The following SUGCT variants were observed in gnomAD, a reference collection of about 807,000 sequenced individuals.
SUGCT encodes succinyl-CoA:glutarate CoA-transferase.
Under a neutral mutation model 55.0 loss-of-function variants are expected in SUGCT, and 41 were observed. The ratio of observed to expected loss-of-function variants is 0.74; its 90% CI spans 0.58 to 0.97. SUGCT has a LOEUF of 0.97. Ranked by LOEUF, SUGCT falls within the 50% of genes least tolerant of loss-of-function variation. The pLI is 0.00. For missense variants in SUGCT, 568 were observed against 547.8 expected, an observed-to-expected ratio of 1.04 and a Z score of -0.37; for synonymous variants, 187 against 200.4, an observed-to-expected ratio of 0.93 and a Z score of 0.56.
chr7:40,721,778 T>C (rs1211777888), intron 12 of SUGCT, among the ~76,000 whole-genome samples: 1 of 152,240 alleles, frequency 6.6e-6, no homozygotes, highest in Admixed American at 6.5e-5. Context: ...GTTGCTACAG[T>C]GGAGATAAAG....
chr7:40,569,732 T>C (rs1373141517), intron 12 of SUGCT, among the ~76,000 whole-genome samples: 9 of 152,342 alleles, frequency 5.9e-5, no homozygotes, highest in Non-Finnish European at 1.5e-5. Context: ...ACTTAACTCA[T>C]TGATAGTTGA....
intron 1 of SUGCT, among the ~76,000 whole-genome samples, chr7:40,142,779 T>A (rs906897508): frequency 2.0e-5 from 3 of 152,228 alleles, no homozygotes; most frequent in Non-Finnish European, 2.9e-5. Context: ...TGATACAAAC[T>A]CCTCCTCTTT....
intron 7 of SUGCT, among the ~76,000 whole-genome samples, chr7:40,239,206 A>G (rs1789203405): frequency 1.3e-5 from 2 of 152,064 alleles, no homozygotes; most frequent in Non-Finnish European, 2.9e-5. Flanking sequence ...TCAGCCTCCA[A>G]CATAGCTTGG....
chr7:40,541,124 A>G (rs935175080), intron 12 of SUGCT, among the ~76,000 whole-genome samples: 1 of 152,226 alleles, frequency 6.6e-6, no homozygotes, highest in African/African-American at 2.4e-5. Context: ...AATGCCCTCC[A>G]GGCTCTATAA....
intron 12 of SUGCT, among the ~76,000 whole-genome samples, chr7:40,595,568 C>G (rs1025838161): frequency 3.9e-5 from 6 of 152,002 alleles, no homozygotes; most frequent in African/African-American, 1.4e-4. Flanking sequence ...TTCACTAACT[C>G]CCTTTATGTT....
At chr7:40,847,411 CTTTTTTTTTTTTT>C (rs981613426) in intron 13 of SUGCT, among the ~76,000 whole-genome samples, 2 of 75,398 alleles carry the variant, frequency 2.7e-5, no homozygotes, top group African/African-American at 4.7e-5. Flanking sequence ...TTCTTTCTTT[CTTTTTTTTTTTTT>C]TTTTTTTTTT....
intron 12 of SUGCT, among the ~76,000 whole-genome samples, chr7:40,623,041 G>T (rs1024202547): frequency 6.6e-6 from 1 of 152,100 alleles, no homozygotes; most frequent in African/African-American, 2.4e-5. Context: ...TGTGACCTTG[G>T]GCGATTCATT....
At chr7:40,252,138 A>G (rs1182857077) in intron 7 of SUGCT, among the ~76,000 whole-genome samples, 1 of 152,130 alleles carries the variant, frequency 6.6e-6, no homozygotes, top group East Asian at 1.9e-4. Flanking sequence ...AGATAAAAAA[A>G]TCTTAAGATT....
At chr7:40,632,087 G>A (rs1220955318) in intron 12 of SUGCT, among the ~76,000 whole-genome samples, 1 of 152,146 alleles carries the variant, frequency 6.6e-6, no homozygotes, top group Non-Finnish European at 1.5e-5. Flanking sequence ...CCAGGGCCTG[G>A]AAATGGTGCT....
the SUGCT span, among the ~76,000 whole-genome samples, chr7:41,034,129 G>A: frequency 6.6e-6 from 1 of 152,132 alleles, no homozygotes; most frequent in Non-Finnish European, 1.5e-5. Context: ...CCAATACAAT[G>A]CAATACATGT....
intron 9 of SUGCT, among the ~76,000 whole-genome samples, chr7:40,379,890 C>A (rs1388784169): frequency 1.3e-5 from 2 of 152,182 alleles, no homozygotes; most frequent in Non-Finnish European, 2.9e-5. Context: ...ATGGTGGTAG[C>A]TTCTCAAAGC....
At chr7:40,852,750 T>A (rs1344602300) in intron 13 of SUGCT, among the ~76,000 whole-genome samples, 2 of 152,014 alleles carry the variant, frequency 1.3e-5, no homozygotes, top group Non-Finnish European at 2.9e-5. Context: ...CACGTCCCAT[T>A]TAGAAATGCC....
intron 9 of SUGCT, among the ~76,000 whole-genome samples, chr7:40,435,996 T>C (rs901600477): frequency 2.0e-5 from 3 of 147,922 alleles, no homozygotes; most frequent in Non-Finnish European, 4.5e-5. Context: ...CAGGCTGGAG[T>C]ACAGTGGCAC....
chr7:40,892,977 A>G, the SUGCT span, among the ~76,000 whole-genome samples: 1 of 152,212 alleles, frequency 6.6e-6, no homozygotes, highest in South Asian at 2.1e-4. Context: ...ATAGAAAAAG[A>G]TATTTTGTGC....
the SUGCT span, among the ~76,000 whole-genome samples, chr7:40,997,492 A>G: frequency 6.6e-6 from 1 of 152,064 alleles, no homozygotes; most frequent in Non-Finnish European, 1.5e-5. Context: ...CTCATGGTTC[A>G]CTTACCACCA....
At chr7:40,500,154 A>G (rs565729101) in intron 12 of SUGCT, among the ~76,000 whole-genome samples, 2 of 152,338 alleles carry the variant, frequency 1.3e-5, no homozygotes, top group South Asian at 4.1e-4. Flanking sequence ...AAACTGCTCA[A>G]TTAAAAACTA....
chr7:40,605,587 A>G, intron 12 of SUGCT, among the ~76,000 whole-genome samples: 1 of 152,156 alleles, frequency 6.6e-6, no homozygotes, highest in Non-Finnish European at 1.5e-5. Context: ...GGCTGTAGAG[A>G]GCAGTCAGAA....
chr7:40,763,420 G>A (rs1001695504), intron 13 of SUGCT, among the ~76,000 whole-genome samples: 1 of 152,162 alleles, frequency 6.6e-6, no homozygotes, highest in African/African-American at 2.4e-5. Flanking sequence ...GAGTTACTCA[G>A]AAATCCATGC....
intron 12 of SUGCT, among the ~76,000 whole-genome samples, chr7:40,561,688 CTTTTT>C (rs777766517): frequency 2.0e-5 from 2 of 100,162 alleles, no homozygotes; most frequent in Non-Finnish European, 3.9e-5. Context: ...TAAGCCGAGT[CTTTTT>C]TTTTTTTTTT....
Sources: gnomAD v4.1 joint callset for allele counts (sites outside exome capture counted in the v4.1 genomes callset) on GRCh38, gnomAD v4.1.1 for gene constraint, MANE v1.5 for transcripts, NCBI Gene and HGNC (gene_info 2026-07-23, HGNC 2026-07-21) for gene names.